The following SGPP2 variants were observed in gnomAD, a reference collection of about 807,000 sequenced individuals.
SGPP2 encodes sphingosine-1-phosphate phosphatase 2.
SGPP2 carries 30 observed loss-of-function variants against 33.9 expected under a neutral mutation model. The observed-to-expected ratio is 0.89, with a 90% confidence interval of 0.66 to 1.20. The LOEUF is 1.20. SGPP2 is among the 50% of genes most tolerant of loss of function. SGPP2 has a pLI of 0.00. For missense variants in SGPP2, 458 were observed against 532.1 expected (o/e 0.86, Z 1.37); for synonymous variants, 233 against 225.0 (o/e 1.04, Z -0.32).
chr2:222,544,360 G>A (rs1239274456), intron 4 of SGPP2, among the ~76,000 whole-genome samples: 1 of 152,162 alleles, frequency 6.6e-6, no homozygotes, highest in Non-Finnish European at 1.5e-5. Flanking sequence ...ATCAGATCTT[G>A]TTAAATAAAG....
chr2:222,518,901 G>A (rs1381437437), intron 2 of SGPP2, among the ~76,000 whole-genome samples: 1 of 152,026 alleles, frequency 6.6e-6, no homozygotes, highest in East Asian at 1.9e-4. Context: ...GGGGGTTACT[G>A]GGTTTGCTGG....
chr2:222,520,256 C>T (rs921621780), intron 2 of SGPP2, among the ~76,000 whole-genome samples: 12 of 152,020 alleles, frequency 7.9e-5, no homozygotes, highest in African/African-American at 2.9e-4. Flanking sequence ...ACTTGTATTT[C>T]TCTGATGATT....
At chr2:222,487,625 A>G (rs1321917303) in intron 2 of SGPP2, among the ~76,000 whole-genome samples, 2 of 152,154 alleles carry the variant, frequency 1.3e-5, no homozygotes, top group African/African-American at 4.8e-5. Context: ...TCAGGAGGCC[A>G]AAGAAGAGAC....
intron 2 of SGPP2, among the ~76,000 whole-genome samples, chr2:222,480,622 T>G (rs1461893527): frequency 6.6e-6 from 1 of 152,218 alleles, no homozygotes; most frequent in Admixed American, 6.5e-5. Flanking sequence ...TTTTCCTGAC[T>G]CGTGAAATTG....
intron 1 of SGPP2, among the ~76,000 whole-genome samples, chr2:222,435,566 A>T (rs1180948501): frequency 6.6e-6 from 1 of 152,234 alleles, no homozygotes; most frequent in Non-Finnish European, 1.5e-5. Context: ...GGTTATAATT[A>T]TGTCTAACAT....
At chr2:222,483,733 T>C (rs897434048) in intron 2 of SGPP2, among the ~76,000 whole-genome samples, 1 of 152,220 alleles carries the variant, frequency 6.6e-6, no homozygotes, top group African/African-American at 2.4e-5. Flanking sequence ...AAAAAGCCTG[T>C]CCCATCCCTG....
intron 2 of SGPP2, among the ~76,000 whole-genome samples, chr2:222,490,236 C>T (rs926273942): frequency 1.3e-5 from 2 of 151,960 alleles, no homozygotes; most frequent in African/African-American, 4.8e-5. Flanking sequence ...AAGAGTCATG[C>T]ATGGGATGGA....
At chr2:222,472,788 G>A (rs958597749) in intron 1 of SGPP2, among the ~76,000 whole-genome samples, 34 of 152,322 alleles carry the variant, frequency 2.2e-4, no homozygotes, top group African/African-American at 7.9e-4. Flanking sequence ...GCCAAGGCAG[G>A]CAGATTACCT....
chr2:222,487,694 C>T (rs57733910), intron 2 of SGPP2, among the ~76,000 whole-genome samples: 7 of 152,218 alleles, frequency 4.6e-5, no homozygotes, highest in Middle Eastern at 3.4e-3. Flanking sequence ...AGAGACAGTC[C>T]GGTGGCAGTG....
chr2:222,434,653 C>T (rs1244162195), intron 1 of SGPP2, among the ~76,000 whole-genome samples: 1 of 152,146 alleles, frequency 6.6e-6, no homozygotes, highest in African/African-American at 2.4e-5. Context: ...CCCTTTCTGT[C>T]ATCTCAGGGT....
intron 1 of SGPP2, among the ~76,000 whole-genome samples, chr2:222,442,167 T>A (rs1697334383): frequency 5.3e-5 from 8 of 152,226 alleles, no homozygotes; most frequent in Admixed American, 5.2e-4. Flanking sequence ...GAGATACAGA[T>A]GTTGAATGTT....
At chr2:222,549,650 A>G (rs1574891506) in intron 4 of SGPP2, among the ~76,000 whole-genome samples, 1 of 152,228 alleles carries the variant, frequency 6.6e-6, no homozygotes, top group East Asian at 1.9e-4. Context: ...CAAGTTTTAT[A>G]ACTGAAAATG....
intron 2 of SGPP2, chr2:222,504,088 A>G (rs923682307): frequency 1.3e-5 from 2 of 152,250 alleles, no homozygotes; most frequent in Middle Eastern, 3.4e-3. Flanking sequence ...TGCTTGCTTC[A>G]TTGCCTCCTT....
intron 2 of SGPP2, among the ~76,000 whole-genome samples, chr2:222,506,129 T>C (rs1276740263): frequency 6.6e-6 from 1 of 152,196 alleles, no homozygotes; most frequent in Non-Finnish European, 1.5e-5. Context: ...CCTCTTGTTA[T>C]TGTAGTGAGC....
chr2:222,426,085 G>T (rs946704452), intron 1 of SGPP2, among the ~76,000 whole-genome samples: 2 of 151,534 alleles, frequency 1.3e-5, no homozygotes, highest in Non-Finnish European at 2.9e-5. Flanking sequence ...TGGGCGTGGT[G>T]GTGCGGCCTG....
At chr2:222,470,996 G>C (rs572851522) in intron 1 of SGPP2, among the ~76,000 whole-genome samples, 4 of 152,104 alleles carry the variant, frequency 2.6e-5, no homozygotes, top group Admixed American at 2.0e-4. Flanking sequence ...ATGCAACCAT[G>C]GTATCTTAGC....
intron 1 of SGPP2, among the ~76,000 whole-genome samples, chr2:222,471,205 C>T (rs10197979): frequency 0.043 from 6,604 of 152,172 alleles, 447 homozygotes; most frequent in African/African-American, 0.15. Flanking sequence ...GTGCACTGCT[C>T]GGCTTGAGAC....
At chr2:222,490,386 A>G (rs1698178345) in intron 2 of SGPP2, among the ~76,000 whole-genome samples, 1 of 152,184 alleles carries the variant, frequency 6.6e-6, no homozygotes, top group African/African-American at 2.4e-5. Flanking sequence ...GACATTTACC[A>G]GCCTTTGCAA....
intron 2 of SGPP2, among the ~76,000 whole-genome samples, chr2:222,496,301 A>C (rs114105290): frequency 2.0e-5 from 3 of 152,344 alleles, no homozygotes; most frequent in African/African-American, 7.2e-5. Context: ...TTTCCAAAGT[A>C]GTAAGCAGAG....
Sources: allele counts gnomAD v4.1 joint callset (sites outside exome capture counted in the v4.1 genomes callset), GRCh38; gene constraint gnomAD v4.1.1; transcripts MANE v1.5; gene names NCBI Gene and HGNC (gene_info 2026-07-23, HGNC 2026-07-21).